Variants in GADD45B observed in about 807,000 individuals in gnomAD.
GADD45B encodes growth arrest and DNA damage-inducible protein GADD45 beta.
In GADD45B, 8 loss-of-function variants were observed where a neutral mutation model predicts 15.2. The observed-to-expected ratio is 0.53, with a 90% CI of 0.31 to 0.95. The LOEUF (loss-of-function observed/expected upper bound fraction) is 0.95, where lower values mean the gene tolerates loss of function less well. Among genes scored for constraint, GADD45B ranks in the 40% least tolerant of loss-of-function variants. The pLI is 0.05. For synonymous variants in GADD45B, 100 were observed against 89.8 expected (o/e 1.11, Z -0.64); for missense variants, 162 against 216.6 (o/e 0.75, Z 1.58).
Position 2,476,419 on chromosome 19 carries a change from G to T in GADD45B, c.44+17G>T, listed in dbSNP as rs375169076. 57 of 1,612,490 alleles carry T rather than the reference G, an allele frequency of 3.5e-5. No homozygotes were observed. The highest frequency in any genetic ancestry group is 2.7e-4 in the South Asian group (25 of 91,062). ...GGCGCAGAAGTAAGTAGCCGGGGCTGCCGCCGCCTGAGGTCAGCCGGGACG... is the reference window on the plus strand; with the variant it reads ...GGCGCAGAAGTAAGTAGCCGGGGCTTCCGCCGCCTGAGGTCAGCCGGGACG... On this transcript the variant is annotated intron_variant, in intron 1 of 3. Transcript: ENST00000215631.
chr19:2,476,488 C>G (rs753595292), intron 1 of GADD45B, 41 bp from the exon 2 acceptor site: 1 of 1,598,044 alleles, frequency 6.3e-7, no homozygotes, highest in Non-Finnish European at 8.6e-7. Flanking sequence ...ACGTAGCACC[C>G]GGTGGTCCGC....
chr19:2,476,994 C>A lies in GADD45B; in HGVS notation c.147-35C>A, dbSNP rs3783499. On this transcript the variant is annotated intron_variant, in intron 2 of 3. Coordinates refer to ENST00000215631, the MANE Select transcript of GADD45B (RefSeq NM_015675.4). Reference sequence around the variant, plus strand: ...CTGCACGGTGGCCCCTCCCCTGTCCCCGGCTGACCCATCCCTACCCTTTGG... The same window carrying A: ...CTGCACGGTGGCCCCTCCCCTGTCCACGGCTGACCCATCCCTACCCTTTGG... 5 of 1,468,026 alleles carry A rather than the reference C, an allele frequency of 3.4e-6. No individual in the cohort carries two copies. In the African/African-American group the frequency reaches 6.9e-5, roughly 20 times the overall value. 90.9% of individuals were successfully genotyped at this position (1,468,026 alleles called of 1,614,324 possible). A position where few individuals can be genotyped will look rare whatever the true frequency, so the allele number is the denominator to read the frequency against.
Position 2,476,411 on chromosome 19 carries a change from C to T in GADD45B, c.44+9C>T, listed in dbSNP as rs1171947388. The T allele has an allele frequency of 2.5e-6, 4 of 1,612,910 alleles. No homozygotes were observed. The highest frequency in any genetic ancestry group is 1.3e-5 in the African/African-American group (1 of 75,038). Reference sequence around the variant, plus strand: ...GACAACGCGGCGCAGAAGTAAGTAGCCGGGGCTGCCGCCGCCTGAGGTCAG... The same window carrying T: ...GACAACGCGGCGCAGAAGTAAGTAGTCGGGGCTGCCGCCGCCTGAGGTCAG... On this transcript the variant is annotated intron_variant, in intron 1 of 3. Transcript: ENST00000215631.
At chr19:2,476,875 C>T (rs1972323648) in intron 2 of GADD45B, 154 bp from the exon 3 acceptor site, 1 of 623,756 alleles carries the variant, frequency 1.6e-6, no homozygotes, top group Non-Finnish European at 2.8e-6. Flanking sequence ...GTGTGCCCTC[C>T]CCTCCCCCCA....
At position 2,477,163 on chromosome 19, in the gene GADD45B, G is replaced by T; in HGVS notation, c.281G>T (p.Gly94Val). 6.2e-7 allele frequency: 1 copy of T among 1,613,260 alleles called. No homozygotes were observed. The highest frequency in any genetic ancestry group is 8.5e-7 in the Non-Finnish European group (1 of 1,179,914). The change falls in exon 3 of 4, where the codon GGC (glycine) becomes GTC (valine). Residue 94 changes from glycine (G) to valine (V), a missense_variant. Coordinates refer to ENST00000215631, the MANE Select transcript of GADD45B (RefSeq NM_015675.4). The surrounding 1 kb of genome is among the most constrained non-coding windows in gnomAD (Gnocchi z 4.2). ...DNDINIVRVS[G>V]MQRLAQLLGE... ...GACATCAACATCGTGCGGGTGTCGG[G>T]CATGCAGCGCCTGGCGCAGCTCCTG... is the stretch of plus-strand genomic sequence containing the variant.
rs1972307884 is a variant in GADD45B at position 2,476,140 on chromosome 19, G to A, written c.-219G>A. 3 of 601,486 alleles carry A rather than the reference G, an allele frequency of 5.0e-6. No individual in the cohort carries two copies. The highest frequency in any genetic ancestry group is 2.8e-5 in the East Asian group (1 of 36,016). 37.3% of individuals were successfully genotyped at this position (601,486 alleles called of 1,614,324 possible). ...GGCTCCCAGCTCAGATCGCCGAAGC[G>A]TCGGACTACCGTTGGTTTCCGCAAC... On this transcript the variant is annotated 5_prime_UTR_variant, in exon 1 of 4. Transcript: ENST00000215631.
rs764136373 is a variant in GADD45B, at chr19:2,476,486, C to G, written c.45-43C>G. On this transcript the variant is annotated intron_variant, in intron 1 of 3. Coordinates refer to ENST00000215631, the MANE Select transcript of GADD45B (RefSeq NM_015675.4). ...GCCGGGCCGGGAGCGGAACGTAGCA[C>G]CCGGTGGTCCGCCCGTCACTGATCC... is the stretch of plus-strand genomic sequence containing the variant. The G allele has an allele frequency of 3.1e-6, 5 of 1,598,228 alleles. No homozygotes were observed. In the South Asian group the frequency reaches 5.5e-5, roughly 18 times the overall value.
chr19:2,476,720 A>G (rs1305833952), intron 2 of GADD45B, 90 bp downstream of exon 2: 11 of 791,610 alleles, frequency 1.4e-5, no homozygotes, highest in Admixed American at 2.8e-5. Context: ...TCTTGCATGG[A>G]GCTGGGACTT....
rs894393582 is a variant in GADD45B, at chr19:2,477,255, A to G, written c.369+4A>G. The G allele has an allele frequency of 2.6e-6, 4 of 1,542,962 alleles. No homozygotes were observed. The highest frequency in any genetic ancestry group is 1.4e-5 in the African/African-American group (1 of 73,452). On this transcript the variant is annotated splice_donor_region_variant and intron_variant, in intron 3 of 3. Transcript: ENST00000215631. The surrounding 1 kb of genome is among the most constrained non-coding windows in gnomAD (Gnocchi z 4.2). Reference sequence around the variant, plus strand: ...CCTGCATTGTCTCCTGGTCACGGTGAGTCGGGCCTCTGCCCTGCCCCGCCA... The same window carrying G: ...CCTGCATTGTCTCCTGGTCACGGTGGGTCGGGCCTCTGCCCTGCCCCGCCA...
In GADD45B at chr19:2,476,346, T is replaced by A. The variant is rs1350365559; in HGVS notation, c.-13T>A. 6.2e-7 allele frequency: 1 copy of A among 1,613,550 alleles called. No homozygotes were observed. Among genetic ancestry groups the A allele is most frequent in the African/African-American group, 1.3e-5 (1 of 74,922 alleles). On this transcript the variant is annotated 5_prime_UTR_variant, in exon 1 of 4. Coordinates refer to ENST00000215631, the MANE Select transcript of GADD45B (RefSeq NM_015675.4). ...GCCGTGGAGCCGCATCCACTGTGGA[T>A]TATAATTGCAACATGACGCTGGAAG...
chr19:2,477,815 G>A lies in GADD45B; in HGVS notation c.*214G>A, dbSNP rs369700474. 2 of 426,154 alleles carry A rather than the reference G, an allele frequency of 4.7e-6. No individual in the cohort carries two copies. The highest frequency in any genetic ancestry group is 8.6e-6 in the Non-Finnish European group (2 of 231,462). The allele number at this position is 426,154 out of a possible 1,614,324, so 26.4% of individuals were successfully genotyped here. A position where few individuals can be genotyped will look rare whatever the true frequency, so the allele number is the denominator to read the frequency against. ...GGCGGAGATCCAGGAGCTGGCGGCC[G>A]CCGATCCGATGGAGAAGGGGGGACC... On this transcript the variant is annotated 3_prime_UTR_variant, in exon 4 of 4. Coordinates refer to ENST00000215631, the MANE Select transcript of GADD45B (RefSeq NM_015675.4). The surrounding 1 kb of genome is among the most constrained non-coding windows in gnomAD (Gnocchi z 4.2).
chr19:2,477,311 C>A lies in GADD45B; in HGVS notation c.369+60C>A. ...GGGCACCTGGGCCGGTGTTTGTCAA[C>A]AAAGTCGGGCTGACTGGTCCTGCAC... On this transcript the variant is annotated intron_variant, in intron 3 of 3. Transcript: ENST00000215631. This position sits in a 1 kb window ranked among gnomAD's most constrained non-coding sequence, Gnocchi z 4.2. 7.9e-7 allele frequency: 1 copy of A among 1,261,622 alleles called. No individual in the cohort carries two copies. The highest frequency in any genetic ancestry group is 1.1e-6 in the Non-Finnish European group (1 of 913,604). 78.2% of individuals were successfully genotyped at this position (1,261,622 alleles called of 1,614,324 possible).
In GADD45B at chr19:2,476,393, C is replaced by A. The variant is rs750671891; in HGVS notation, c.35C>A (p.Ala12Glu). Reference protein sequence around the residue: ...TLEELVACDNAAQKMQTVTAA... With the variant: ...TLEELVACDNEAQKMQTVTAA... ...GAAGAGCTCGTGGCGTGCGACAACG[C>A]GGCGCAGAAGTAAGTAGCCGGGGCT... Residue 12 changes from alanine (A) to glutamate (E), a missense_variant, in exon 1 of 4, where the codon GCG becomes GAG. Physicochemically the swap from Ala to Glu is moderately radical, Grantham distance 107. Coordinates refer to ENST00000215631, the MANE Select transcript of GADD45B (RefSeq NM_015675.4). 6.2e-7 allele frequency: 1 copy of A among 1,613,312 alleles called. No homozygotes were observed. The highest frequency in any genetic ancestry group is 1.3e-5 in the African/African-American group (1 of 74,926).
Position 2,476,212 on chromosome 19 carries a change from T to C in GADD45B, c.-147T>C. The C allele has an allele frequency of 1.3e-6, 1 of 786,280 alleles. No individual in the cohort carries two copies. Among genetic ancestry groups the C allele is most frequent in the Non-Finnish European group, 2.2e-6 (1 of 457,096 alleles). The allele number at this position is 786,280 out of a possible 1,614,324, so 48.7% of individuals were successfully genotyped here. On this transcript the variant is annotated 5_prime_UTR_variant, in exon 1 of 4. Coordinates refer to ENST00000215631, the MANE Select transcript of GADD45B (RefSeq NM_015675.4). ...GGACTTTGCAATATATTTTTCCGCC[T>C]TTTCTGGAAGGATTTCGCTGCTTCC... is the stretch of plus-strand genomic sequence containing the variant.
In GADD45B at chr19:2,477,497, A is replaced by T. The variant is rs1972334204; in HGVS notation, c.379A>T (p.Thr127Ser). 6.2e-7 allele frequency: 1 copy of T among 1,611,446 alleles called. No homozygotes were observed. The highest frequency in any genetic ancestry group is 1.1e-5 in the South Asian group (1 of 91,006). Reference sequence around the variant, plus strand: ...CTTTTCCCTCCTACAGAACCCTCACACGGACGCCTGGAAGAGCCACGGCTT... The same window carrying T: ...CTTTTCCCTCCTACAGAACCCTCACTCGGACGCCTGGAAGAGCCACGGCTT... ...LHCLLVTNPH[T>S]DAWKSHGLVE... Residue 127 changes from threonine (T) to serine (S), a missense_variant, in exon 4 of 4, where the codon ACG (threonine) becomes TCG (serine). By Grantham distance (58) the Thr-to-Ser change is moderately conservative. Transcript: ENST00000215631. This position sits in a 1 kb window ranked among gnomAD's most constrained non-coding sequence, Gnocchi z 4.2.
chr19:2,477,848 G>C lies in GADD45B; in HGVS notation c.*247G>C, dbSNP rs985155177. On this transcript the variant is annotated 3_prime_UTR_variant, in exon 4 of 4. Transcript: ENST00000215631. The surrounding 1 kb of genome is among the most constrained non-coding windows in gnomAD (Gnocchi z 4.2). ...GATGGAGAAGGGGGGACCCAGGCCA[G>C]CAGGAGACAGGACCCCCGAAGCTGA... is the stretch of plus-strand genomic sequence containing the variant. The C allele has an allele frequency of 2.8e-6, 1 of 361,332 alleles. No individual in the cohort carries two copies. Among genetic ancestry groups the C allele is most frequent in the East Asian group, 6.3e-5 (1 of 15,916 alleles). 22.4% of individuals were successfully genotyped at this position (361,332 alleles called of 1,614,324 possible). A position where few individuals can be genotyped will look rare whatever the true frequency, so the allele number is the denominator to read the frequency against.
rs1187480594 is a variant in GADD45B, at chr19:2,476,557, G to A, written c.73G>A (p.Glu25Lys). 3 of 1,605,836 alleles carry A rather than the reference G, an allele frequency of 1.9e-6. No homozygotes were observed. Among genetic ancestry groups the A allele is most frequent in the East Asian group, 4.5e-5 (2 of 44,720 alleles). ...KMQTVTAAVE[E>K]LLVAAQRQDR... ...GCAGACGGTGACCGCCGCGGTGGAG[G>A]AGCTTTTGGTGGCCGCTCAGCGCCA... The change falls in exon 2 of 4, where the codon GAG becomes AAG. Residue 25 changes from glutamate to lysine, a missense_variant. Coordinates refer to ENST00000215631, the MANE Select transcript of GADD45B (RefSeq NM_015675.4).
Position 2,477,798 on chromosome 19 carries a change from T to A in GADD45B, c.*197T>A. The A allele has an allele frequency of 2.5e-6, 1 of 404,922 alleles. No individual in the cohort carries two copies. The allele number at this position is 404,922 out of a possible 1,614,324, so 25.1% of individuals were successfully genotyped here. ...TGAGCGGCCGCCCCCAGGGCGGAGA[T>A]CCAGGAGCTGGCGGCCGCCGATCCG... On this transcript the variant is annotated 3_prime_UTR_variant, in exon 4 of 4. Transcript: ENST00000215631. The surrounding 1 kb of genome is among the most constrained non-coding windows in gnomAD (Gnocchi z 4.2).
At chr19:2,476,464 G>A (rs978993095) in intron 1 of GADD45B, 62 bp downstream of exon 1, 56 of 1,602,436 alleles carry the variant, frequency 3.5e-5, no homozygotes, top group Middle Eastern at 3.3e-4. Context: ...GGGTTGGGCC[G>A]GGCCGGGAGC....
Sources: allele counts gnomAD v4.1 joint callset, GRCh38; gene constraint gnomAD v4.1.1; non-coding constraint Gnocchi (gnomAD v3.1); transcripts MANE v1.5; gene names NCBI Gene and HGNC (gene_info 2026-07-23, HGNC 2026-07-21).